SLCO4A1: variants seen among roughly 807,000 people sequenced by gnomAD.
The protein encoded by SLCO4A1 is colon organic anion transporter.
A neutral mutation model predicts 64.6 loss-of-function variants in SLCO4A1; 51 were observed. That is an observed-to-expected ratio of 0.79 (90% CI 0.63 to 1.00). The LOEUF (loss-of-function observed/expected upper bound fraction) is 1.00. SLCO4A1 is among the 50% of genes least tolerant of loss of function. The pLI is 0.00. For missense variants in SLCO4A1, 919 were observed against 980.5 expected (o/e 0.94, Z 0.84); for synonymous variants, 471 against 444.9 (o/e 1.06, Z -0.74).
rs1215695253 is a variant in SLCO4A1 at position 62,664,968 on chromosome 20, A to G, written c.1156A>G (p.Ile386Val). Residue 386 changes from isoleucine to valine, a missense_variant, in exon 6 of 12, where the codon ATC (isoleucine) becomes GTC (valine). By Grantham distance (29) the Ile-to-Val change is conservative. Transcript: ENST00000217159. ...IWLLLKNPTF[I>V]LLCLAGATEA... ...GCTCCTGCTGAAGAACCCCACGTTC[A>G]TCCTGCTCTGCCTGGCCGGGGCCAC... 1.3e-5 allele frequency: 21 copies of G among 1,613,158 alleles called. No homozygotes were observed. The highest frequency in any genetic ancestry group is 2.2e-5 in the South Asian group (2 of 90,970).
downstream of SLCO4A1, among the ~76,000 whole-genome samples, chr20:62,687,384 G>A (rs982182822): frequency 1.1e-4 from 16 of 152,280 alleles, no homozygotes; most frequent in Non-Finnish European, 2.1e-4. Context: ...CATCTGAGCC[G>A]AGGCCCGGGG....
intron 5 of SLCO4A1, chr20:62,663,280 C>T (rs1005612182): frequency 6.6e-6 from 1 of 152,180 alleles, no homozygotes; most frequent in Non-Finnish European, 1.5e-5. Flanking sequence ...TACATTTGGC[C>T]ACCTCCTCAA....
At position 62,661,834 on chromosome 20, in the gene SLCO4A1, C is replaced by CTCTA. The variant is rs56332484; in HGVS notation, c.1121+659_1121+660insTCTA. 6.6e-6 allele frequency among the ~76,000 whole-genome samples: 1 copy of CTCTA among 151,758 alleles called. No individual in the cohort carries two copies. Among genetic ancestry groups the CTCTA allele is most frequent in the African/African-American group, 2.4e-5 (1 of 41,318 alleles). On this transcript the variant is annotated intron_variant, in intron 5 of 11. Transcript: ENST00000217159. This position sits in a 1 kb window ranked among gnomAD's most constrained non-coding sequence, Gnocchi z 5.2. ...TCTTGCTGCACTGCTAGGGTGAACC[C>CTCTA]GGGGCCCTGAGCCGGTGGGGTCCTA... is the stretch of plus-strand genomic sequence containing the variant.
At chr20:62,683,262 T>A (rs1443649504) in intron 2 of SLCO4A1, among the ~76,000 whole-genome samples, 4 of 152,346 alleles carry the variant, frequency 2.6e-5, no homozygotes, top group African/African-American at 9.6e-5. Flanking sequence ...CCAAGTCGTG[T>A]TGGGCTTGGA....
Position 62,671,847 on chromosome 20 carries a change from C to T in SLCO4A1, c.2123C>T (p.Ser708Leu). 6.2e-7 allele frequency: 1 copy of T among 1,613,480 alleles called. No homozygotes were observed. The highest frequency in any genetic ancestry group is 8.5e-7 in the Non-Finnish European group (1 of 1,180,038). Residue 708 changes from serine (S) to leucine (L), a missense_variant, in exon 12 of 12, where the codon TCA becomes TTA. Physicochemically the swap from Ser to Leu is moderately radical, Grantham distance 145. Transcript: ENST00000217159. ...GAAACTTGTCTGCCCAGCCAGTCCT[C>T]AGCCCCTGACAGTGCCACAGATAGC... ...GLETCLPSQS[S>L]APDSATDSQL...
chr20:62,668,864 C>A, intron 10 of SLCO4A1, 66 bp from the exon 11 acceptor site: 1 of 1,516,326 alleles, frequency 6.6e-7, no homozygotes, highest in South Asian at 1.2e-5. Context: ...GGCCTCTTGG[C>A]TGCCTGCCCC....
intron 1 of SLCO4A1, among the ~76,000 whole-genome samples, chr20:62,655,975 C>A (rs1157025528): frequency 6.6e-6 from 1 of 152,218 alleles, no homozygotes; most frequent in African/African-American, 2.4e-5. Flanking sequence ...ACCTGGGACC[C>A]CAGTGTCTGA....
chr20:62,675,805 C>T (rs981996978), downstream of SLCO4A1, among the ~76,000 whole-genome samples: 3 of 152,186 alleles, frequency 2.0e-5, no homozygotes, highest in African/African-American at 7.2e-5. Context: ...ATGCCTCCCA[C>T]AGCCAGCCCC....
In SLCO4A1 at chr20:62,661,021, G is replaced by GAGACCCC; in HGVS notation, c.1010-41_1010-40insACCCCAG. ...CTCTCTCGGAGAAGTCCACCTCCGGGAGCCCCCAGCCCCCAGCCCCAGCTC... is the reference window on the plus strand; with the variant it reads ...CTCTCTCGGAGAAGTCCACCTCCGGGAGACCCCAGCCCCCAGCCCCCAGCCCCAGCTC... On this transcript the variant is annotated intron_variant, in intron 4 of 11. Coordinates refer to ENST00000217159, the MANE Select transcript of SLCO4A1 (RefSeq NM_016354.4). The surrounding 1 kb of genome is among the most constrained non-coding windows in gnomAD (Gnocchi z 5.2). The GAGACCCC allele has an allele frequency of 5.5e-6, 3 of 546,178 alleles. No homozygotes were observed. Among genetic ancestry groups the GAGACCCC allele is most frequent in the Admixed American group, 4.6e-5 (2 of 43,156 alleles). The allele number at this position is 546,178 out of a possible 1,614,324, so 33.8% of individuals were successfully genotyped here. A position where few individuals can be genotyped will look rare whatever the true frequency, so the allele number is the denominator to read the frequency against.
intron 2 of SLCO4A1, 69 bp from the exon 3 acceptor site, chr20:62,658,608 G>A (rs948079770): frequency 4.7e-5 from 61 of 1,307,256 alleles, no homozygotes; most frequent in Non-Finnish European, 5.7e-5. Flanking sequence ...CCAGGCACGG[G>A]GCCCCACACG....
In SLCO4A1 at chr20:62,669,098, G is replaced by A; in HGVS notation, c.2025+20G>A. On this transcript the variant is annotated intron_variant, in intron 11 of 11. Coordinates refer to ENST00000217159, the MANE Select transcript of SLCO4A1 (RefSeq NM_016354.4). ...TACAAGGTAAGCAGGCCCAGGGAGG[G>A]GACAGAGGGTCTGCTCTGAGGGTGG... is the stretch of plus-strand genomic sequence containing the variant. 1 of 1,604,758 alleles carries A rather than the reference G, an allele frequency of 6.2e-7. No individual in the cohort carries two copies. The highest frequency in any genetic ancestry group is 8.5e-7 in the Non-Finnish European group (1 of 1,178,544).
chr20:62,644,290 T>C lies in SLCO4A1; in HGVS notation c.-97+1737T>C, dbSNP rs1980930869. 6.6e-6 allele frequency among the ~76,000 whole-genome samples: 1 copy of C among 152,250 alleles called. No homozygotes were observed. The highest frequency in any genetic ancestry group is 1.5e-5 in the Non-Finnish European group (1 of 68,038). ...GCTGCCCTGACCGCCCTCAGCAGGC[T>C]GTGTCCTGCCTTCCTGCTGGGCAAG... On this transcript the variant is annotated intron_variant, in intron 1 of 11. Transcript: ENST00000217159. The surrounding 1 kb of genome is among the most constrained non-coding windows in gnomAD (Gnocchi z 5.4).
At chr20:62,663,711 A>G (rs1224233500) in intron 5 of SLCO4A1, among the ~76,000 whole-genome samples, 1 of 152,148 alleles carries the variant, frequency 6.6e-6, no homozygotes, top group East Asian at 1.9e-4. Context: ...GGTCACGCAC[A>G]GGAGCGTGCT....
Position 62,661,041 on chromosome 20 carries a change from C to CCCCCCCCCCCCCCCCCAAA in SLCO4A1, c.1010-23_1010-22insCCCCCCCCCCCCCCCCAAA. The CCCCCCCCCCCCCCCCCAAA allele has an allele frequency of 1.1e-5, 15 of 1,424,126 alleles. No individual in the cohort carries two copies. The highest frequency in any genetic ancestry group is 1.4e-5 in the Non-Finnish European group (14 of 1,010,130). The allele number at this position is 1,424,126 out of a possible 1,614,324, so 88.2% of individuals were successfully genotyped here. A position where few individuals can be genotyped will look rare whatever the true frequency, so the allele number is the denominator to read the frequency against. On this transcript the variant is annotated intron_variant, in intron 4 of 11. Coordinates refer to ENST00000217159, the MANE Select transcript of SLCO4A1 (RefSeq NM_016354.4). This position sits in a 1 kb window ranked among gnomAD's most constrained non-coding sequence, Gnocchi z 5.2. The stretch of plus-strand genomic sequence containing the variant: ...TCCGGGAGCCCCCAGCCCCCAGCCC[C>CCCCCCCCCCCCCCCCCAAA]AGCTCACTCTGTGCCCTTCCAGGCT...
At chr20:62,653,799 CA>C (rs2147071389) in intron 1 of SLCO4A1, among the ~76,000 whole-genome samples, 1 of 151,816 alleles carries the variant, frequency 6.6e-6, no homozygotes, top group East Asian at 1.9e-4. Context: ...TATTCCCAGC[CA>C]AACACTGCAT....
chr20:62,642,974 A>G (rs1225434134), intron 1 of SLCO4A1: 1 of 469,372 alleles, frequency 2.1e-6, no homozygotes, highest in Admixed American at 2.4e-5. Flanking sequence ...CTGGGGACGA[A>G]CGCGCCTCCG....
At chr20:62,682,264 T>C (rs1049103001) in intron 2 of SLCO4A1, among the ~76,000 whole-genome samples, 1 of 152,246 alleles carries the variant, frequency 6.6e-6, no homozygotes, top group Admixed American at 6.5e-5. Flanking sequence ...CACCTGGACC[T>C]GGCTTGCGGG....
chr20:62,676,985 A>G (rs1450600840), downstream of SLCO4A1, among the ~76,000 whole-genome samples: 1 of 152,238 alleles, frequency 6.6e-6, no homozygotes, highest in Non-Finnish European at 1.5e-5. Context: ...GCCCTGCGCT[A>G]TGGTGTGCAG....
chr20:62,673,870 T>C (rs1227259257), downstream of SLCO4A1, among the ~76,000 whole-genome samples: 1 of 152,236 alleles, frequency 6.6e-6, no homozygotes, highest in Non-Finnish European at 1.5e-5. Flanking sequence ...CAACGTGTGC[T>C]GCGAAAAGTC....
Sources: gnomAD v4.1 joint callset for allele counts (sites outside exome capture counted in the v4.1 genomes callset) on GRCh38, gnomAD v4.1.1 for gene constraint, Gnocchi (gnomAD v3.1) non-coding constraint, MANE v1.5 for transcripts, NCBI Gene and HGNC (gene_info 2026-07-23, HGNC 2026-07-21) for gene names.